The following LRRC4C variants were observed in gnomAD, a reference collection of about 807,000 sequenced individuals.
LRRC4C encodes the protein leucine-rich repeat-containing protein 4C.
Under a neutral mutation model 33.6 loss-of-function variants are expected in LRRC4C, and 5 were observed. The ratio of observed to expected loss-of-function variants is 0.15; its 90% CI spans 0.08 to 0.31. The LOEUF (loss-of-function observed/expected upper bound fraction) is 0.31. LRRC4C is among the 10% of genes least tolerant of loss of function. LRRC4C has a pLI of 1.00. For synonymous variants in LRRC4C, 329 were observed against 302.0 expected, an observed-to-expected ratio of 1.09 and a Z score of -0.93; for missense variants, 560 against 796.7, an observed-to-expected ratio of 0.70 and a Z score of 3.58.
intron 3 of LRRC4C, among the ~76,000 whole-genome samples, chr11:40,478,384 C>T (rs903946667): frequency 6.6e-5 from 10 of 152,142 alleles, no homozygotes; most frequent in South Asian, 2.1e-4. Context: ...CAAAAATGTA[C>T]ATGCAGGGTG....
chr11:40,750,354 T>C (rs1445633379), intron 2 of LRRC4C, among the ~76,000 whole-genome samples: 1 of 152,086 alleles, frequency 6.6e-6, no homozygotes, highest in Non-Finnish European at 1.5e-5. Flanking sequence ...ACTCATTCTA[T>C]GAAGCCAGCA....
intron 1 of LRRC4C, among the ~76,000 whole-genome samples, chr11:41,441,051 A>G (rs1955601758): frequency 6.6e-6 from 1 of 152,206 alleles, no homozygotes; most frequent in African/African-American, 2.4e-5. Flanking sequence ...GAGAGGGAAG[A>G]GACAACACTC....
intron 3 of LRRC4C, among the ~76,000 whole-genome samples, chr11:40,621,602 A>G (rs931221118): frequency 6.6e-6 from 1 of 151,770 alleles, no homozygotes; most frequent in Non-Finnish European, 1.5e-5. Flanking sequence ...TCCACAGGTG[A>G]GGTAATGATG....
chr11:41,346,134 A>G (rs1399570810), intron 1 of LRRC4C, among the ~76,000 whole-genome samples: 2 of 152,148 alleles, frequency 1.3e-5, no homozygotes, highest in South Asian at 4.2e-4. Context: ...TCAGGCCCCA[A>G]GGGAGTTTTC....
intron 2 of LRRC4C, among the ~76,000 whole-genome samples, chr11:40,781,003 G>C (rs866404078): frequency 1.3e-5 from 2 of 152,082 alleles, no homozygotes; most frequent in Admixed American, 6.6e-5. Flanking sequence ...TTGGGAAATA[G>C]GCAATTTTGT....
intron 1 of LRRC4C, among the ~76,000 whole-genome samples, chr11:41,458,250 A>T (rs1296356447): frequency 6.6e-6 from 1 of 152,152 alleles, no homozygotes; most frequent in African/African-American, 2.4e-5. Context: ...CAAGTTGGCT[A>T]ACAGTCCATG....
chr11:40,617,634 T>C (rs932234081), intron 3 of LRRC4C, among the ~76,000 whole-genome samples: 2 of 151,654 alleles, frequency 1.3e-5, no homozygotes, highest in Non-Finnish European at 3.0e-5. Context: ...AGATTTACAA[T>C]ACTATGGAGA....
At chr11:40,769,429 A>T (rs1044522420) in intron 2 of LRRC4C, among the ~76,000 whole-genome samples, 6 of 152,132 alleles carry the variant, frequency 3.9e-5, no homozygotes, top group Non-Finnish European at 5.9e-5. Context: ...GATTCAATGC[A>T]ATCTCTACCA....
chr11:40,736,165 C>A (rs1947856326), intron 2 of LRRC4C, among the ~76,000 whole-genome samples: 1 of 151,840 alleles, frequency 6.6e-6, no homozygotes. Context: ...TCTCTCCTTG[C>A]CCCCCACCCC....
At chr11:41,212,182 T>G (rs543061017) in intron 1 of LRRC4C, among the ~76,000 whole-genome samples, 2 of 152,208 alleles carry the variant, frequency 1.3e-5, no homozygotes, top group African/African-American at 4.8e-5. Flanking sequence ...TCACAACAAC[T>G]TTTTTTCCTA....
chr11:40,507,735 T>A (rs1955103724), intron 3 of LRRC4C, among the ~76,000 whole-genome samples: 1 of 137,006 alleles, frequency 7.3e-6, no homozygotes, highest in African/African-American at 2.6e-5. Context: ...GGCACTAGAT[T>A]TAATTTTTTT....
At chr11:40,224,638 T>A (rs1410794468) in intron 5 of LRRC4C, among the ~76,000 whole-genome samples, 2 of 152,220 alleles carry the variant, frequency 1.3e-5, no homozygotes, top group East Asian at 3.8e-4. Context: ...TCTCTAAAGT[T>A]GAAATAATAC....
intron 6 of LRRC4C, among the ~76,000 whole-genome samples, chr11:40,133,772 AG>A (rs1170689745): frequency 6.6e-6 from 1 of 152,164 alleles, no homozygotes; most frequent in Non-Finnish European, 1.5e-5. Flanking sequence ...AATCAGTGAA[AG>A]GTATGTGGAC....
intron 2 of LRRC4C, among the ~76,000 whole-genome samples, chr11:40,920,566 A>G (rs1412087990): frequency 6.6e-6 from 1 of 152,242 alleles, no homozygotes; most frequent in African/African-American, 2.4e-5. Flanking sequence ...AAAGCATACA[A>G]TCATTTCCCC....
At chr11:41,076,154 C>T (rs1039332857) in intron 1 of LRRC4C, among the ~76,000 whole-genome samples, 9 of 152,124 alleles carry the variant, frequency 5.9e-5, no homozygotes, top group Non-Finnish European at 1.3e-4. Flanking sequence ...TAATCTTTAT[C>T]CTGAACCTAT....
At chr11:41,382,811 A>G (rs1394858181) in intron 1 of LRRC4C, among the ~76,000 whole-genome samples, 1 of 152,160 alleles carries the variant, frequency 6.6e-6, no homozygotes, top group Non-Finnish European at 1.5e-5. Context: ...CAAGCTGGAT[A>G]GAGGACGTCT....
At chr11:40,227,848 G>A (rs1237791780) in intron 5 of LRRC4C, among the ~76,000 whole-genome samples, 1 of 152,092 alleles carries the variant, frequency 6.6e-6, no homozygotes, top group African/African-American at 2.4e-5. Context: ...ATTTTTAAAA[G>A]GAGGTGCTAT....
At chr11:41,267,554 C>T (rs1949191154) in intron 1 of LRRC4C, among the ~76,000 whole-genome samples, 1 of 152,122 alleles carries the variant, frequency 6.6e-6, no homozygotes, top group South Asian at 2.1e-4. Context: ...AAATGTATGA[C>T]TGCTTTGTAA....
At chr11:40,414,008 C>T (rs906357236) in intron 3 of LRRC4C, among the ~76,000 whole-genome samples, 1 of 151,974 alleles carries the variant, frequency 6.6e-6, no homozygotes, top group African/African-American at 2.4e-5. Flanking sequence ...TTGTGTCAAT[C>T]TATTGTATAA....
Sources: gnomAD v4.1 joint callset for allele counts (sites outside exome capture counted in the v4.1 genomes callset) on GRCh38, gnomAD v4.1.1 for gene constraint, MANE v1.5 for transcripts, NCBI Gene and HGNC (gene_info 2026-07-23, HGNC 2026-07-21) for gene names.